Variants in BEST3 observed in about 807,000 individuals in gnomAD.
The protein encoded by BEST3 is bestrophin 3, also known as bestrophin-3.
A neutral mutation model predicts 47.1 loss-of-function variants in BEST3; 50 were observed. The observed-to-expected ratio is 1.06, with a 90% CI of 0.85 to 1.34. BEST3 has a LOEUF of 1.34. Among genes scored for constraint, BEST3 ranks in the 40% most tolerant of loss-of-function variants. The pLI is 0.00. For missense variants in BEST3, 765 were observed against 817.0 expected, an observed-to-expected ratio of 0.94 and a Z score of 0.78; for synonymous variants, 282 against 298.8, an observed-to-expected ratio of 0.94 and a Z score of 0.58.
chr12:69,663,678 A>C (rs918427402), intron 9 of BEST3, among the ~76,000 whole-genome samples: 3 of 152,000 alleles, frequency 2.0e-5, no homozygotes, highest in African/African-American at 7.2e-5. Context: ...AAAAAAAGCC[A>C]GGCATGGTGT....
intron 7 of BEST3, among the ~76,000 whole-genome samples, 198 bp downstream of exon 7, chr12:69,676,718 C>G (rs544519899): frequency 6.6e-6 from 1 of 152,288 alleles, no homozygotes; most frequent in East Asian, 1.9e-4. Flanking sequence ...AATGTCTTTG[C>G]ACAAATGAGC....
chr12:69,664,064 G>C (rs1347499550), intron 9 of BEST3, among the ~76,000 whole-genome samples: 1 of 152,134 alleles, frequency 6.6e-6, no homozygotes, highest in Non-Finnish European at 1.5e-5. Flanking sequence ...CTCAAGACTG[G>C]CATATTTATG....
chr12:69,696,780 A>G (rs1046625521), intron 2 of BEST3, among the ~76,000 whole-genome samples: 1 of 152,208 alleles, frequency 6.6e-6, no homozygotes, highest in Non-Finnish European at 1.5e-5. Flanking sequence ...TATGCAGAAG[A>G]AAAATAACAA....
At chr12:69,677,650 A>G (rs1885004463) in intron 5 of BEST3, among the ~76,000 whole-genome samples, 1 of 152,140 alleles carries the variant, frequency 6.6e-6, no homozygotes, top group Non-Finnish European at 1.5e-5. Flanking sequence ...GCTTGGTGGC[A>G]CACGCCTGTA....
chr12:69,686,833 A>G (rs1416211992), intron 4 of BEST3, among the ~76,000 whole-genome samples: 1 of 152,058 alleles, frequency 6.6e-6, no homozygotes, highest in Non-Finnish European at 1.5e-5. Context: ...GCTGACCAAC[A>G]GCTCTGGGAA....
At chr12:69,649,918 G>A (rs978137952), downstream of BEST3, among the ~76,000 whole-genome samples, 1 of 152,190 alleles carries the variant, frequency 6.6e-6, no homozygotes, top group African/African-American at 2.4e-5. Context: ...CATTCCCTTT[G>A]CTGCTTCTGG....
At chr12:69,658,857 C>T (rs1247746651) in intron 9 of BEST3, among the ~76,000 whole-genome samples, 1 of 152,098 alleles carries the variant, frequency 6.6e-6, no homozygotes, top group Non-Finnish European at 1.5e-5. Flanking sequence ...GGTCCTTGGA[C>T]CGTGCCATGA....
chr12:69,684,691 C>G (rs1381137692), intron 4 of BEST3: 2 of 528,426 alleles, frequency 3.8e-6, no homozygotes, highest in Non-Finnish European at 7.3e-6. Flanking sequence ...ACGTGCCTGG[C>G]TTGTTTTTAT....
At chr12:69,683,907 C>G (rs529519408) in intron 4 of BEST3, 9 of 152,338 alleles carry the variant, frequency 5.9e-5, no homozygotes, top group African/African-American at 2.2e-4. Context: ...TGGTCAAGTC[C>G]ATTCCAAAAG....
At chr12:69,694,002 G>A (rs1438231092) in intron 3 of BEST3, 95 bp from the exon 4 acceptor site, 1 of 914,104 alleles carries the variant, frequency 1.1e-6, no homozygotes. Context: ...TTTAGAGGTT[G>A]GAGGACAAAA....
intron 8 of BEST3, among the ~76,000 whole-genome samples, chr12:69,672,132 T>G (rs1884614973): frequency 6.6e-6 from 1 of 152,230 alleles, no homozygotes; most frequent in African/African-American, 2.4e-5. Flanking sequence ...ATGAATACAT[T>G]ATTAATCCTC....
intron 4 of BEST3, among the ~76,000 whole-genome samples, chr12:69,692,082 C>A (rs1885947844): frequency 6.6e-6 from 1 of 152,168 alleles, no homozygotes; most frequent in Non-Finnish European, 1.5e-5. Flanking sequence ...GGAGTTCTTT[C>A]TTCTCAAATA....
At chr12:69,657,576 A>G (rs899495659) in intron 9 of BEST3, among the ~76,000 whole-genome samples, 1 of 152,180 alleles carries the variant, frequency 6.6e-6, no homozygotes, top group African/African-American at 2.4e-5. Context: ...CCCTTGAACT[A>G]CAAATGCTCA....
Position 69,693,734 on chromosome 12 carries a change from G to C in BEST3, c.421C>G (p.Arg141Gly), listed in dbSNP as rs748231464. 6.2e-7 allele frequency: 1 copy of C among 1,614,172 alleles called. No homozygotes were observed. The highest frequency in any genetic ancestry group is 1.1e-5 in the South Asian group (1 of 91,082). The stretch of plus-strand genomic sequence containing the variant: ...TTGTACACAGCAGTGCTCACCGAGC[G>C]AAAGATGAGCAGGGAGGTGAGATTG... ...YVNLTSLLIF[R>G]SVSTAVYKRF... Residue 141 changes from arginine (R) to glycine (G), a missense_variant, in exon 4 of 10, where the codon CGC becomes GGC. Arg to Gly is a moderately radical substitution (Grantham distance 125). Transcript: ENST00000330891.
At chr12:69,656,349 A>G (rs1007042257) in intron 9 of BEST3, among the ~76,000 whole-genome samples, 1 of 139,450 alleles carries the variant, frequency 7.2e-6, no homozygotes. Flanking sequence ...AAATATCTAT[A>G]TATCTATATC....
intron 4 of BEST3, among the ~76,000 whole-genome samples, chr12:69,686,299 G>A (rs1031266500): frequency 2.0e-5 from 3 of 152,154 alleles, no homozygotes; most frequent in African/African-American, 7.2e-5. Context: ...TACCTAGTGA[G>A]AGAGGAGAAG....
rs1883326619 is a variant in BEST3 at position 69,654,375 on chromosome 12, C to A, written c.*532G>T. ...CTTAAGAATCAGGAAGTGATAATAA[C>A]AATAATAGTTATAAAAGTAGGAATG... On this transcript the variant is annotated 3_prime_UTR_variant, in exon 10 of 10. Transcript: ENST00000330891. 6 of 984,954 alleles carry A rather than the reference C, an allele frequency of 6.1e-6. No homozygotes were observed. The highest frequency in any genetic ancestry group is 7.2e-6 in the Non-Finnish European group (6 of 829,866). 61.0% of individuals were successfully genotyped at this position (984,954 alleles called of 1,614,324 possible).
chr12:69,695,269 T>C (rs1886090338), intron 2 of BEST3, among the ~76,000 whole-genome samples: 1 of 152,134 alleles, frequency 6.6e-6, no homozygotes, highest in Non-Finnish European at 1.5e-5. Context: ...TCGACGAGTG[T>C]AGCTGTTCCA....
intron 9 of BEST3, among the ~76,000 whole-genome samples, chr12:69,671,075 A>G (rs892113016): frequency 2.0e-5 from 3 of 152,226 alleles, no homozygotes; most frequent in African/African-American, 7.2e-5. Context: ...CTAGGTAGAA[A>G]AAAATGCCAA....
Sources: allele counts gnomAD v4.1 joint callset (sites outside exome capture counted in the v4.1 genomes callset), GRCh38; gene constraint gnomAD v4.1.1; transcripts MANE v1.5; gene names NCBI Gene and HGNC (gene_info 2026-07-23, HGNC 2026-07-21).